The following GPR143 variants were observed in gnomAD, a reference collection of about 807,000 sequenced individuals.
The protein encoded by GPR143 is G-protein coupled receptor 143.
Under a neutral mutation model 27.6 loss-of-function variants are expected in GPR143, and 8 were observed. That is an observed-to-expected ratio of 0.29 (90% CI 0.17 to 0.52). GPR143 has a LOEUF of 0.52. Ranked by LOEUF, GPR143 falls within the 20% of genes least tolerant of loss-of-function variation. The pLI is 0.96. For missense variants in GPR143, 303 were observed against 343.1 expected, an observed-to-expected ratio of 0.88 and a Z score of 0.92; for synonymous variants, 156 against 153.2, an observed-to-expected ratio of 1.02 and a Z score of -0.13.
At chrX:9,769,076 G>A (rs909452858), upstream of GPR143, among the ~76,000 whole-genome samples, 1 of 112,057 alleles carries the variant, frequency 8.9e-6, no homozygotes, top group African/African-American at 3.2e-5. Context: ...TGGAAGTTTC[G>A]TAGATATGGG....
chrX:9,770,140 T>C (rs2083548074), upstream of GPR143, among the ~76,000 whole-genome samples: 1 of 73,508 alleles, frequency 1.4e-5, no homozygotes, highest in Non-Finnish European at 2.3e-5. Context: ...AGGGAGACCC[T>C]GTCCCCCACC....
At chrX:9,759,725 G>C (rs1338121321) in intron 2 of GPR143, among the ~76,000 whole-genome samples, 13 of 112,161 alleles carry the variant, frequency 1.2e-4, no homozygotes, top group Non-Finnish European at 2.3e-4. Context: ...CTTTGAACTA[G>C]ATAGAAGCTC....
At chrX:9,774,560 C>T (rs917145539) in intron 1 of GPR143, among the ~76,000 whole-genome samples, 4 of 112,062 alleles carry the variant, frequency 3.6e-5, no homozygotes, top group East Asian at 2.8e-4. Flanking sequence ...CACCTGAGCA[C>T]GTCTTCCTAC....
chrX:9,739,604 G>A lies in GPR143; in HGVS notation c.1001C>T (p.Thr334Ile), dbSNP rs1471517237. Residue 334 changes from threonine (T) to isoleucine (I), a missense_variant, in exon 8 of 9, where the codon ACC becomes ATC. Physicochemically the swap from Thr to Ile is moderately conservative, Grantham distance 89. Transcript: ENST00000467482. ...RKEIQWESLT[T>I]SAAEGAHPSP... ...TGGGTGAGCCCCCTCAGCAGCCGAG[G>A]TGGTCAGTGATTCCCACTGGATCTC... is the stretch of plus-strand genomic sequence containing the variant. 1 of 1,206,363 alleles carries A rather than the reference G, an allele frequency of 8.3e-7. No homozygotes were observed. Among genetic ancestry groups the A allele is most frequent in the Admixed American group, 2.2e-5 (1 of 45,862 alleles).
At chrX:9,749,226 T>C (rs867296911) in intron 3 of GPR143, among the ~76,000 whole-genome samples, 174 of 72,701 alleles carry the variant, frequency 2.4e-3, no homozygotes, top group African/African-American at 4.0e-3. Flanking sequence ...GGGATTTCCC[T>C]CCCCCCCCAA....
At chrX:9,758,346 C>A (rs1645809838) in intron 3 of GPR143, among the ~76,000 whole-genome samples, 1 of 111,873 alleles carries the variant, frequency 8.9e-6, no homozygotes, top group South Asian at 3.7e-4. Flanking sequence ...ATCACATTTA[C>A]TCTTCACAGT....
intron 2 of GPR143, 59 bp from the exon 3 acceptor site, chrX:9,759,485 C>A (rs1205834212): frequency 7.5e-6 from 6 of 801,940 alleles, no homozygotes; most frequent in Non-Finnish European, 1.1e-5. Flanking sequence ...AAGCCCAGCC[C>A]ATCCTTGAGA....
chrX:9,726,210 T>A (rs1157558826), intron 8 of GPR143, among the ~76,000 whole-genome samples: 3 of 110,473 alleles, frequency 2.7e-5, no homozygotes, highest in African/African-American at 9.9e-5. Flanking sequence ...CAGAACACAC[T>A]CTTGTGACCA....
At chrX:9,728,961 T>C (rs1325400061) in intron 8 of GPR143, among the ~76,000 whole-genome samples, 1 of 111,453 alleles carries the variant, frequency 9.0e-6, no homozygotes, top group African/African-American at 3.3e-5. Flanking sequence ...TGGATAATCT[T>C]GGTCTGAGTA....
At chrX:9,725,980 CAAAAA>C (rs35066814) in intron 8 of GPR143, 140 bp from the exon 9 acceptor site, 1,264 of 351,235 alleles carry the variant, frequency 3.6e-3, no homozygotes, top group South Asian at 4.2e-3. Flanking sequence ...ATCTCATCTG[CAAAAA>C]AAAAAAAAAA....
intron 8 of GPR143, among the ~76,000 whole-genome samples, chrX:9,729,866 G>A (rs1259629501): frequency 1.8e-5 from 2 of 112,220 alleles, no homozygotes; most frequent in Non-Finnish European, 3.8e-5. Flanking sequence ...TCTGAGATTT[G>A]GACATACAGC....
intron 1 of GPR143, among the ~76,000 whole-genome samples, chrX:9,763,096 TTTG>T (rs1318821419): frequency 7.3e-5 from 8 of 109,297 alleles, no homozygotes; most frequent in African/African-American, 2.7e-4. Flanking sequence ...GGGCCTTTTT[TTTG>T]TTGTTTTTTT....
chrX:9,740,771 T>C (rs1388046427), intron 7 of GPR143: 5 of 287,374 alleles, frequency 1.7e-5, no homozygotes, highest in African/African-American at 9.0e-5. Flanking sequence ...TTTTTTTTTT[T>C]GGAACTCCAG....
chrX:9,765,466 G>A (rs2083526378), intron 1 of GPR143, 102 bp downstream of exon 1: 1 of 808,317 alleles, frequency 1.2e-6, no homozygotes, highest in Non-Finnish European at 1.6e-6. Flanking sequence ...TCCACAGGCC[G>A]TGCGCCCTTA....
At chrX:9,738,795 G>T (rs959985701) in intron 8 of GPR143, among the ~76,000 whole-genome samples, 6 of 111,690 alleles carry the variant, frequency 5.4e-5, no homozygotes, top group African/African-American at 2.0e-4. Context: ...GGCTAATTTT[G>T]TATTTTTCGT....
intron 3 of GPR143, among the ~76,000 whole-genome samples, chrX:9,756,468 G>A (rs2083474446): frequency 8.9e-6 from 1 of 112,415 alleles, no homozygotes; most frequent in South Asian, 3.7e-4. Flanking sequence ...CAGAATGGGA[G>A]AAACTATTTG....
rs1186124910 is a variant in GPR143, at chrX:9,748,982, T to C, written c.456-316A>G. ...CAAAAGGAGACCCCATATCCATTAA[T>C]TGGTGATATGGTTAGGCTTTGTGTC... On this transcript the variant is annotated intron_variant, in intron 3 of 8. Transcript: ENST00000467482. Among the ~76,000 whole-genome samples, 3 of 112,442 alleles carry C rather than the reference T, an allele frequency of 2.7e-5. No homozygotes were observed. In the Admixed American group the frequency reaches 2.8e-4, roughly 11 times the overall value.
rs889547301 is a variant in GPR143 at position 9,725,374 on chromosome X, C to G, written c.*372G>C. On this transcript the variant is annotated 3_prime_UTR_variant, in exon 9 of 9. Transcript: ENST00000467482. Reference sequence around the variant, plus strand: ...CTGTACATGTATTTATTTTCTTTTGCTAGAAGTGTTAAGACAGAATCCAAG... The same window carrying G: ...CTGTACATGTATTTATTTTCTTTTGGTAGAAGTGTTAAGACAGAATCCAAG... 5.7e-6 allele frequency: 1 copy of G among 174,349 alleles called. No homozygotes were observed. 14.4% of individuals were successfully genotyped at this position (174,349 alleles called of 1,213,427 possible).
upstream of GPR143, among the ~76,000 whole-genome samples, chrX:9,768,541 G>A (rs1410477461): frequency 2.7e-5 from 3 of 111,859 alleles, no homozygotes; most frequent in Non-Finnish European, 3.8e-5. Flanking sequence ...TTAGCAGAGC[G>A]TGCTGCTGCG....
Sources: allele counts gnomAD v4.1 joint callset (sites outside exome capture counted in the v4.1 genomes callset), GRCh38; gene constraint gnomAD v4.1.1; transcripts MANE v1.5; gene names NCBI Gene and HGNC (gene_info 2026-07-23, HGNC 2026-07-21).